KCND2: variants seen among roughly 807,000 people sequenced by gnomAD.
KCND2 encodes A-type voltage-gated potassium channel KCND2.
A neutral mutation model predicts 54.4 loss-of-function variants in KCND2; 16 were observed. The observed-to-expected ratio is 0.29, with a 90% CI of 0.20 to 0.45. KCND2 has a LOEUF of 0.45. KCND2 is among the 20% of genes least tolerant of loss of function. The pLI is 1.00. For missense variants in KCND2, 486 were observed against 824.2 expected (o/e 0.59, Z 5.02); for synonymous variants, 317 against 310.7 (o/e 1.02, Z -0.21).
chr7:120,743,941 A>C (rs1792973189), intron 4 of KCND2, among the ~76,000 whole-genome samples: 1 of 152,198 alleles, frequency 6.6e-6, no homozygotes, highest in Non-Finnish European at 1.5e-5. Context: ...AGTAGGATAA[A>C]TTTGAAAGTT....
intron 1 of KCND2, among the ~76,000 whole-genome samples, chr7:120,435,162 A>G (rs1389327901): frequency 2.6e-5 from 4 of 151,746 alleles, no homozygotes; most frequent in African/African-American, 9.7e-5. Flanking sequence ...AGTGGAGTGC[A>G]GTGGCTTCAT....
intron 1 of KCND2, among the ~76,000 whole-genome samples, chr7:120,612,099 AGATATGACTTTTGTGAATTGCT>A (rs1792963582): frequency 6.6e-6 from 1 of 151,564 alleles, no homozygotes; most frequent in Non-Finnish European, 1.5e-5. Context: ...TCTCTACCCA[AGATATGACTTTTGTGAATTGCT>A]TACTACTAAT....
At chr7:120,371,968 T>C (rs1372118667) in intron 1 of KCND2, among the ~76,000 whole-genome samples, 1 of 151,946 alleles carries the variant, frequency 6.6e-6, no homozygotes, top group Non-Finnish European at 1.5e-5. Flanking sequence ...CCACCTTTTC[T>C]TTATCTCTTC....
intron 1 of KCND2, among the ~76,000 whole-genome samples, chr7:120,459,886 A>G (rs1802259836): frequency 1.3e-5 from 2 of 152,220 alleles, no homozygotes; most frequent in African/African-American, 4.8e-5. Context: ...AGTAAATGCC[A>G]GTGTAAAGAC....
chr7:120,510,759 A>G (rs886736244), intron 1 of KCND2, among the ~76,000 whole-genome samples: 5 of 151,954 alleles, frequency 3.3e-5, no homozygotes, highest in African/African-American at 9.7e-5. Context: ...ACATTCACCA[A>G]TTACGAATTT....
intron 1 of KCND2, among the ~76,000 whole-genome samples, chr7:120,448,564 A>G (rs1190884997): frequency 6.6e-6 from 1 of 152,126 alleles, no homozygotes; most frequent in Non-Finnish European, 1.5e-5. Context: ...ATGTCTAACT[A>G]ATTTTATGAG....
intron 1 of KCND2, among the ~76,000 whole-genome samples, chr7:120,641,862 A>G (rs1186989742): frequency 1.3e-5 from 2 of 151,896 alleles, no homozygotes; most frequent in Non-Finnish European, 2.9e-5. Context: ...GATAATAAAA[A>G]AAAAAGAAGA....
chr7:120,395,365 G>A (rs1801138718), intron 1 of KCND2, among the ~76,000 whole-genome samples: 1 of 151,954 alleles, frequency 6.6e-6, no homozygotes, highest in African/African-American at 2.4e-5. Context: ...CATTTTCAAG[G>A]TAGGAAAATT....
chr7:120,736,506 A>G (rs1792872458), intron 2 of KCND2, among the ~76,000 whole-genome samples: 1 of 152,032 alleles, frequency 6.6e-6, no homozygotes, highest in South Asian at 2.1e-4. Flanking sequence ...GATTAATGCA[A>G]TGACAAGTGG....
chr7:120,605,968 G>A (rs1382601067), intron 1 of KCND2, among the ~76,000 whole-genome samples: 2 of 152,070 alleles, frequency 1.3e-5, no homozygotes, highest in Non-Finnish European at 2.9e-5. Context: ...TCATGGGGAC[G>A]GGTTTTTTCT....
chr7:120,595,479 A>G (rs200334122), intron 1 of KCND2, among the ~76,000 whole-genome samples: 455 of 30,896 alleles, frequency 0.015, 6 homozygotes, highest in Middle Eastern at 0.083. Flanking sequence ...ATATATATAT[A>G]TGTGTATATA....
chr7:120,559,027 A>ATG (rs1425678499), intron 1 of KCND2, among the ~76,000 whole-genome samples: 1 of 150,672 alleles, frequency 6.6e-6, no homozygotes, highest in African/African-American at 2.4e-5. Flanking sequence ...CTGTGTGTGT[A>ATG]TGTGTGTGTG....
At chr7:120,633,465 G>A (rs927562878) in intron 1 of KCND2, among the ~76,000 whole-genome samples, 1 of 152,082 alleles carries the variant, frequency 6.6e-6, no homozygotes, top group Non-Finnish European at 1.5e-5. Flanking sequence ...AGCAATAAAC[G>A]TTTGAAAGAA....
chr7:120,390,599 CA>C (rs1801059102), intron 1 of KCND2, among the ~76,000 whole-genome samples: 1 of 151,950 alleles, frequency 6.6e-6, no homozygotes, highest in African/African-American at 2.4e-5. Flanking sequence ...CTTCTCCCAT[CA>C]AAAGTTATGT....
chr7:120,717,198 C>T (rs1792613748), intron 1 of KCND2, among the ~76,000 whole-genome samples: 1 of 152,052 alleles, frequency 6.6e-6, no homozygotes, highest in Non-Finnish European at 1.5e-5. Context: ...TTCTAGCAAT[C>T]ATCAGAAGGA....
intron 1 of KCND2, among the ~76,000 whole-genome samples, chr7:120,446,559 C>G (rs1584782368): frequency 6.6e-6 from 1 of 151,072 alleles, no homozygotes; most frequent in South Asian, 2.1e-4. Context: ...CACACACACA[C>G]ACACATACAC....
chr7:120,410,522 C>G (rs1479572456), intron 1 of KCND2, among the ~76,000 whole-genome samples: 1 of 151,634 alleles, frequency 6.6e-6, no homozygotes, highest in African/African-American at 2.4e-5. Flanking sequence ...TATGGTATAT[C>G]TCTACATTTA....
intron 1 of KCND2, among the ~76,000 whole-genome samples, chr7:120,364,044 C>G (rs1293744645): frequency 6.6e-6 from 1 of 152,164 alleles, no homozygotes; most frequent in African/African-American, 2.4e-5. Context: ...GTTTTGTTTA[C>G]TGATGCATCC....
chr7:120,706,317 A>G (rs1043078326), intron 1 of KCND2, among the ~76,000 whole-genome samples: 13 of 152,124 alleles, frequency 8.5e-5, no homozygotes, highest in Admixed American at 2.0e-4. Flanking sequence ...TGCTGCTACA[A>G]CAGAATATCA....
Sources: allele counts gnomAD v4.1 joint callset (sites outside exome capture counted in the v4.1 genomes callset), GRCh38; gene constraint gnomAD v4.1.1; transcripts MANE v1.5; gene names NCBI Gene and HGNC (gene_info 2026-07-23, HGNC 2026-07-21).